The following SMOC1 variants were observed in gnomAD, a reference collection of about 807,000 sequenced individuals.
The protein encoded by SMOC1 is SPARC-related modular calcium-binding protein 1.
In SMOC1, 22 loss-of-function variants were observed where a neutral mutation model predicts 56.3. The observed-to-expected ratio is 0.39, with a 90% CI of 0.28 to 0.56. SMOC1 has a LOEUF of 0.56. SMOC1 is among the 20% of genes least tolerant of loss of function. The pLI is 0.61. For missense variants in SMOC1, 509 were observed against 565.4 expected (o/e 0.90, Z 1.01); for synonymous variants, 193 against 215.0 (o/e 0.90, Z 0.89).
chr14:70,016,561 TA>T (rs1345829157), intron 10 of SMOC1, among the ~76,000 whole-genome samples: 4 of 152,168 alleles, frequency 2.6e-5, no homozygotes, highest in Non-Finnish European at 5.9e-5. Flanking sequence ...CTGTCAGGAT[TA>T]CCAGTGTAGT....
intron 11 of SMOC1, among the ~76,000 whole-genome samples, chr14:70,025,153 A>C (rs1259080178): frequency 6.6e-6 from 1 of 152,214 alleles, no homozygotes; most frequent in Non-Finnish European, 1.5e-5. Context: ...TTGGATGCAC[A>C]TGAAGGATGA....
chr14:69,888,516 G>A (rs1471182211), intron 1 of SMOC1, among the ~76,000 whole-genome samples: 2 of 152,152 alleles, frequency 1.3e-5, no homozygotes, highest in African/African-American at 4.8e-5. Flanking sequence ...CCACCACCAG[G>A]GAGCACTGGG....
chr14:69,889,590 G>A (rs1883906696), intron 1 of SMOC1, among the ~76,000 whole-genome samples: 1 of 152,196 alleles, frequency 6.6e-6, no homozygotes, highest in Non-Finnish European at 1.5e-5. Flanking sequence ...CTCTTTTCCA[G>A]GGTGGTGGGG....
At chr14:69,945,835 C>T (rs565259687) in intron 1 of SMOC1, among the ~76,000 whole-genome samples, 1 of 152,292 alleles carries the variant, frequency 6.6e-6, no homozygotes, top group East Asian at 1.9e-4. Flanking sequence ...CTCCCAAATC[C>T]AGTGGATAGA....
chr14:69,943,409 G>A (rs915224432), intron 1 of SMOC1, among the ~76,000 whole-genome samples: 16 of 152,194 alleles, frequency 1.1e-4, no homozygotes, highest in Non-Finnish European at 1.9e-4. Context: ...GGGTGAGAGC[G>A]AGCTGGCAGA....
chr14:69,890,646 C>T (rs1566662330), intron 1 of SMOC1, among the ~76,000 whole-genome samples: 2 of 152,206 alleles, frequency 1.3e-5, no homozygotes, highest in South Asian at 2.1e-4. Context: ...CCTGTATTCA[C>T]GTTGGGCTAA....
intron 1 of SMOC1, among the ~76,000 whole-genome samples, chr14:69,938,506 G>A (rs1395560773): frequency 1.3e-5 from 2 of 151,864 alleles, no homozygotes; most frequent in East Asian, 1.9e-4. Context: ...CCCAGCAAGA[G>A]GAGAGTCTGT....
intron 5 of SMOC1, among the ~76,000 whole-genome samples, chr14:69,989,041 C>G (rs970421532): frequency 3.9e-5 from 6 of 152,090 alleles, no homozygotes; most frequent in African/African-American, 1.4e-4. Flanking sequence ...TGTTTTTATT[C>G]TCCTAGATGG....
At chr14:69,933,845 C>A (rs780629833) in intron 1 of SMOC1, among the ~76,000 whole-genome samples, 1 of 152,124 alleles carries the variant, frequency 6.6e-6, no homozygotes, top group Admixed American at 6.5e-5. Flanking sequence ...ACAAAATATA[C>A]GAACTTTGAC....
At chr14:69,948,721 C>T (rs1882884994) in intron 1 of SMOC1, among the ~76,000 whole-genome samples, 1 of 152,210 alleles carries the variant, frequency 6.6e-6, no homozygotes, top group South Asian at 2.1e-4. Flanking sequence ...CAATTAAATT[C>T]CAAAGAAAGA....
At chr14:70,005,319 T>C (rs1885113272) in intron 7 of SMOC1, among the ~76,000 whole-genome samples, 5 of 152,136 alleles carry the variant, frequency 3.3e-5, no homozygotes. Flanking sequence ...CATGAGTAAT[T>C]GAGAGGCACA....
At chr14:69,959,675 G>A (rs944840431) in intron 3 of SMOC1, among the ~76,000 whole-genome samples, 1 of 151,578 alleles carries the variant, frequency 6.6e-6, no homozygotes, top group Non-Finnish European at 1.5e-5. Context: ...TTGCATATAG[G>A]GATCTATATG....
intron 1 of SMOC1, among the ~76,000 whole-genome samples, chr14:69,882,170 G>A (rs1427915658): frequency 1.3e-5 from 2 of 152,070 alleles, no homozygotes; most frequent in African/African-American, 4.8e-5. Flanking sequence ...TGGCTTATTG[G>A]GGGCCTCAAA....
chr14:69,925,244 G>A (rs1474675020), intron 1 of SMOC1, among the ~76,000 whole-genome samples: 2 of 141,338 alleles, frequency 1.4e-5, no homozygotes, highest in African/African-American at 5.4e-5. Flanking sequence ...AGGGGAAGCA[G>A]GGGAGGAGGG....
At chr14:69,881,128 T>C (rs936114277) in intron 1 of SMOC1, among the ~76,000 whole-genome samples, 2 of 152,224 alleles carry the variant, frequency 1.3e-5, no homozygotes, top group Admixed American at 1.3e-4. Flanking sequence ...ACAGCAGGCA[T>C]TCCCAAAGCT....
At chr14:69,887,234 C>G (rs759108266) in intron 1 of SMOC1, among the ~76,000 whole-genome samples, 2 of 152,004 alleles carry the variant, frequency 1.3e-5, no homozygotes, top group Non-Finnish European at 2.9e-5. Flanking sequence ...GATACAGTAA[C>G]TTATAAATAA....
In SMOC1 at chr14:69,900,508, C is replaced by T. The variant is rs12323341; in HGVS notation, c.99+20731C>T. On this transcript the variant is annotated intron_variant, in intron 1 of 11. Transcript: ENST00000361956. ...CACTTATCTGGCTCTTCTTATGTGC[C>T]GGGTACTTTTCTAAGCCCCTTTGCA... Among the ~76,000 whole-genome samples the T allele has an allele frequency of 5.5e-3, 832 of 152,228 alleles. 11 individuals carry two copies. Among genetic ancestry groups the T allele is most frequent in the African/African-American group, 0.019 (790 of 41,540 alleles).
intron 10 of SMOC1, among the ~76,000 whole-genome samples, chr14:70,019,232 T>A (rs142174936): frequency 4.1e-4 from 62 of 152,236 alleles, no homozygotes; most frequent in African/African-American, 1.4e-3. Context: ...GAGGCAGAAG[T>A]CAACAGGACA....
chr14:69,901,610 A>C (rs1884244190), intron 1 of SMOC1, among the ~76,000 whole-genome samples: 1 of 152,230 alleles, frequency 6.6e-6, no homozygotes, highest in Non-Finnish European at 1.5e-5. Context: ...TCTGATTCCT[A>C]TTAGGGTAGG....
Sources: gnomAD v4.1 joint callset for allele counts (sites outside exome capture counted in the v4.1 genomes callset) on GRCh38, gnomAD v4.1.1 for gene constraint, MANE v1.5 for transcripts, NCBI Gene and HGNC (gene_info 2026-07-23, HGNC 2026-07-21) for gene names.